PTPRC: variants seen among roughly 807,000 people sequenced by gnomAD.
The protein encoded by PTPRC is protein tyrosine phosphatase receptor type C.
Under a neutral mutation model 155.9 loss-of-function variants are expected in PTPRC, and 44 were observed. The observed-to-expected ratio is 0.28, with a 90% CI of 0.22 to 0.36. The LOEUF (loss-of-function observed/expected upper bound fraction) is 0.36. PTPRC is among the 10% of genes least tolerant of loss of function. The pLI, the probability that PTPRC is intolerant of heterozygous loss-of-function variation, is 1.00. For missense variants in PTPRC, 1,401 were observed against 1,564.6 expected, an observed-to-expected ratio of 0.90 and a Z score of 1.76; for synonymous variants, 525 against 533.1, an observed-to-expected ratio of 0.98 and a Z score of 0.21.
Position 198,709,813 on chromosome 1 carries a change from C to T in PTPRC, c.1160C>T (p.Thr387Ile). The T allele has an allele frequency of 6.2e-7, 1 of 1,611,788 alleles. No individual in the cohort carries two copies. Among genetic ancestry groups the T allele is most frequent in the Non-Finnish European group, 8.5e-7 (1 of 1,178,832 alleles). Residue 387 changes from threonine (T) to isoleucine (I), a missense_variant, in exon 11 of 33, where the codon ACA (threonine) becomes ATA (isoleucine). Physicochemically the swap from Thr to Ile is moderately conservative, Grantham distance 89. Around this residue, in one of 3 missense-constraint regions of PTPRC, gnomAD observed 867 missense variants for 970.4 expected, o/e 0.89. Transcript: ENST00000442510. ...ACTAACGCAAGTAAAATTATTAAAA[C>T]AGATTTTGGGAGTGAGTATGTTACT... ...KFTNASKIIKTDFGSPGEPQI... is the reference protein window; with the variant it reads ...KFTNASKIIKIDFGSPGEPQI...
At chr1:198,655,244 GA>G (rs1283305140) in intron 2 of PTPRC, among the ~76,000 whole-genome samples, 2 of 149,328 alleles carry the variant, frequency 1.3e-5, no homozygotes, top group South Asian at 2.1e-4. Flanking sequence ...TTTAAAAAGA[GA>G]AAAAAAATTA....
intron 2 of PTPRC, among the ~76,000 whole-genome samples, chr1:198,677,147 G>T (rs1007290036): frequency 2.0e-5 from 3 of 152,170 alleles, no homozygotes; most frequent in African/African-American, 7.2e-5. Context: ...CCGTGGGCCT[G>T]CTATCCATTT....
At chr1:198,726,411 A>G (rs536298539) in intron 15 of PTPRC, among the ~76,000 whole-genome samples, 3 of 152,146 alleles carry the variant, frequency 2.0e-5, no homozygotes, top group African/African-American at 7.2e-5. Flanking sequence ...ATATATTCAC[A>G]TTCATGTATC....
chr1:198,667,763 A>G (rs959219956), intron 2 of PTPRC, among the ~76,000 whole-genome samples: 3 of 152,266 alleles, frequency 2.0e-5, no homozygotes, highest in Non-Finnish European at 4.4e-5. Flanking sequence ...TCATGGAAAC[A>G]TAAAAGAAGG....
Position 198,648,950 on chromosome 1 carries a change from CTT to C in PTPRC, c.73+9610_73+9611del, listed in dbSNP as rs574419808. ...TGTTTTTGAAGTGCAAGGGAAGTAA[CTT>C]GACCTTTGTTAAACACTTTGATCAT... is the stretch of plus-strand genomic sequence containing the variant. On this transcript the variant is annotated intron_variant, in intron 2 of 32. Coordinates refer to ENST00000442510, the MANE Select transcript of PTPRC (RefSeq NM_002838.5). 5.7e-3 allele frequency among the ~76,000 whole-genome samples: 864 copies of C among 151,776 alleles called. 7 individuals are homozygous for C. Among genetic ancestry groups the C allele is most frequent in the Non-Finnish European group, 7.9e-3 (538 of 67,826 alleles).
chr1:198,644,978 T>G (rs1285140699), intron 2 of PTPRC, among the ~76,000 whole-genome samples: 1 of 151,800 alleles, frequency 6.6e-6, no homozygotes, highest in Non-Finnish European at 1.5e-5. Context: ...ACAATGCAAT[T>G]ATATTGAAGT....
intron 2 of PTPRC, among the ~76,000 whole-genome samples, chr1:198,666,145 A>G (rs939631817): frequency 6.6e-6 from 1 of 150,714 alleles, no homozygotes; most frequent in Non-Finnish European, 1.5e-5. Context: ...AGGTGAAAAG[A>G]TTGTTTGAGT....
At chr1:198,715,872 AATC>A (rs751769185) in intron 12 of PTPRC, among the ~76,000 whole-genome samples, 3 of 152,170 alleles carry the variant, frequency 2.0e-5, no homozygotes, top group Admixed American at 6.5e-5. Context: ...TTGCCACTCT[AATC>A]ATCCTCTTTC....
intron 2 of PTPRC, among the ~76,000 whole-genome samples, chr1:198,690,126 A>AT (rs1293429285): frequency 1.3e-5 from 2 of 152,194 alleles, no homozygotes; most frequent in Admixed American, 1.3e-4. Context: ...TAAAGAAGAG[A>AT]TATGTGTTGT....
intron 23 of PTPRC, among the ~76,000 whole-genome samples, chr1:198,737,275 C>G (rs557836176): frequency 6.6e-6 from 1 of 151,616 alleles, no homozygotes; most frequent in South Asian, 2.1e-4. Flanking sequence ...CAAACCAATG[C>G]CCTGGAGAGT....
chr1:198,730,186 A>C (rs980074186), intron 17 of PTPRC, among the ~76,000 whole-genome samples: 7 of 152,152 alleles, frequency 4.6e-5, no homozygotes, highest in African/African-American at 1.7e-4. Flanking sequence ...CATGCTTAAG[A>C]CAGGAATAAT....
intron 25 of PTPRC, 77 bp downstream of exon 25, chr1:198,742,444 T>A: frequency 6.4e-7 from 1 of 1,567,354 alleles, no homozygotes; most frequent in Non-Finnish European, 8.8e-7. Flanking sequence ...AATAATGATA[T>A]TTTTTAAAAA....
intron 2 of PTPRC, among the ~76,000 whole-genome samples, chr1:198,650,895 G>A (rs1022723001): frequency 6.6e-6 from 1 of 151,806 alleles, no homozygotes; most frequent in Admixed American, 6.6e-5. Context: ...GTTGAAAAGG[G>A]TTGGCATTAT....
chr1:198,735,111 A>T lies in PTPRC; in HGVS notation c.2278-16A>T. On this transcript the variant is annotated splice_polypyrimidine_tract_variant and intron_variant, in intron 22 of 32. Transcript: ENST00000442510. The stretch of plus-strand genomic sequence containing the variant: ...AAATTAAAAATTAAAATACTTAATA[A>T]TTTTTTAAAATGTAGAACAAGTGTG... 1 of 1,566,094 alleles carries T rather than the reference A, an allele frequency of 6.4e-7. No homozygotes were observed. Among genetic ancestry groups the T allele is most frequent in the Non-Finnish European group, 8.7e-7 (1 of 1,154,224 alleles).
At chr1:198,728,265 T>G in intron 15 of PTPRC, 75 bp from the exon 16 acceptor site, 1 of 1,123,804 alleles carries the variant, frequency 8.9e-7, no homozygotes, top group Non-Finnish European at 1.3e-6. Context: ...TATAAATACT[T>G]TGGAGGTGAT....
chr1:198,707,801 A>T (rs1009509811), intron 9 of PTPRC, among the ~76,000 whole-genome samples: 32 of 152,222 alleles, frequency 2.1e-4, no homozygotes, highest in Non-Finnish European at 4.0e-4. Flanking sequence ...ATTTAAGATA[A>T]AAACAAAAAT....
intron 26 of PTPRC, among the ~76,000 whole-genome samples, chr1:198,746,588 G>A (rs1290458788): frequency 2.0e-5 from 3 of 151,836 alleles, no homozygotes; most frequent in South Asian, 2.1e-4. Context: ...TTAGATGTAA[G>A]AGACTGGGTT....
intron 28 of PTPRC, 26 bp from the exon 29 acceptor site, chr1:198,750,466 G>A (rs768752369): frequency 1.6e-5 from 26 of 1,607,316 alleles, no homozygotes; most frequent in Non-Finnish European, 2.2e-5. Context: ...TAGTAACGAA[G>A]TCCCACCCTT....
chr1:198,755,757 A>T, intron 32 of PTPRC, 149 bp from the exon 33 acceptor site: 1 of 856,284 alleles, frequency 1.2e-6, no homozygotes, highest in Non-Finnish European at 1.8e-6. Context: ...TAAATTATTT[A>T]GATGTTTTTA....
Sources: gnomAD v4.1 joint callset for allele counts (sites outside exome capture counted in the v4.1 genomes callset) on GRCh38, gnomAD v4.1.1 for gene constraint, gnomAD v4.1.1 regional missense constraint, MANE v1.5 for transcripts, NCBI Gene and HGNC (gene_info 2026-07-23, HGNC 2026-07-21) for gene names.